NRCAM: variants seen among roughly 807,000 people sequenced by gnomAD.
NRCAM encodes the protein NgCAM-related cell adhesion molecule.
In NRCAM, 83 loss-of-function variants were observed where a neutral mutation model predicts 156.5. The ratio of observed to expected loss-of-function variants is 0.53; its 90% CI spans 0.44 to 0.64. The LOEUF (loss-of-function observed/expected upper bound fraction) is 0.64. NRCAM is among the 30% of genes least tolerant of loss of function. The probability of loss-of-function intolerance (pLI) is 0.00; values close to 1 mark genes in which losing one functional copy is unlikely to be tolerated. For synonymous variants in NRCAM, 538 were observed against 563.9 expected (o/e 0.95, Z 0.65); for missense variants, 1,417 against 1,597.3 (o/e 0.89, Z 1.92).
At chr7:108,419,606 A>T (rs1806490411) in intron 1 of NRCAM, among the ~76,000 whole-genome samples, 1 of 152,208 alleles carries the variant, frequency 6.6e-6, no homozygotes, top group Admixed American at 6.5e-5. Flanking sequence ...CTTAAGCCAT[A>T]CAAAAGTGGG....
chr7:108,215,578 G>C (rs1407340552), intron 11 of NRCAM, among the ~76,000 whole-genome samples: 3 of 152,038 alleles, frequency 2.0e-5, no homozygotes, highest in Non-Finnish European at 4.4e-5. Flanking sequence ...CTTGCTTTAT[G>C]AATCTGGGTG....
At chr7:108,433,573 A>G (rs1322693661) in intron 1 of NRCAM, among the ~76,000 whole-genome samples, 1 of 152,174 alleles carries the variant, frequency 6.6e-6, no homozygotes, top group Non-Finnish European at 1.5e-5. Context: ...GAATTGGCTA[A>G]TGCTCTCCCT....
intron 2 of NRCAM, among the ~76,000 whole-genome samples, chr7:108,387,415 T>TA (rs1330881073): frequency 6.6e-6 from 1 of 152,172 alleles, no homozygotes; most frequent in Non-Finnish European, 1.5e-5. Flanking sequence ...TATGGATTAC[T>TA]TATAGGTAAT....
intron 3 of NRCAM, among the ~76,000 whole-genome samples, chr7:108,277,232 G>A (rs1466184471): frequency 6.6e-6 from 1 of 152,066 alleles, no homozygotes; most frequent in Non-Finnish European, 1.5e-5. Context: ...CTCTTCTCGA[G>A]GTGTATCTTT....
chr7:108,326,681 A>G (rs1419502741), intron 2 of NRCAM, among the ~76,000 whole-genome samples: 1 of 152,200 alleles, frequency 6.6e-6, no homozygotes, highest in African/African-American at 2.4e-5. Flanking sequence ...ATTATTCTCA[A>G]TATTGTGTAA....
intron 2 of NRCAM, among the ~76,000 whole-genome samples, chr7:108,357,477 C>A (rs1462855993): frequency 2.0e-5 from 3 of 151,878 alleles, no homozygotes; most frequent in Middle Eastern, 3.2e-3. Flanking sequence ...ATTACAGGTG[C>A]CTGCCACCAC....
intron 1 of NRCAM, among the ~76,000 whole-genome samples, chr7:108,448,645 T>A (rs1230109771): frequency 6.6e-6 from 1 of 152,212 alleles, no homozygotes; most frequent in Non-Finnish European, 1.5e-5. Context: ...GCTTTTATTA[T>A]TCTAGTGATG....
intron 1 of NRCAM, among the ~76,000 whole-genome samples, chr7:108,439,484 C>A (rs1050479442): frequency 6.6e-6 from 1 of 152,096 alleles, no homozygotes; most frequent in African/African-American, 2.4e-5. Context: ...ATATGCTCCA[C>A]GTTATTAGCC....
intron 20 of NRCAM, among the ~76,000 whole-genome samples, chr7:108,186,977 G>A (rs534914740): frequency 4.3e-4 from 65 of 152,278 alleles, no homozygotes; most frequent in Admixed American, 1.6e-3. Flanking sequence ...TTCATGTGAC[G>A]TTTGACAGAT....
intron 1 of NRCAM, among the ~76,000 whole-genome samples, chr7:108,400,165 GA>G (rs1473841346): frequency 6.6e-6 from 1 of 152,154 alleles, no homozygotes; most frequent in East Asian, 1.9e-4. Context: ...TTATAAGAAA[GA>G]AAAAGCATAA....
At chr7:108,445,038 T>C (rs1036926111) in intron 1 of NRCAM, among the ~76,000 whole-genome samples, 3 of 152,202 alleles carry the variant, frequency 2.0e-5, no homozygotes, top group Non-Finnish European at 4.4e-5. Flanking sequence ...TCTAAGTACA[T>C]GCAGTTTGTA....
intron 1 of NRCAM, among the ~76,000 whole-genome samples, chr7:108,422,850 TGAAA>T (rs1252362682): frequency 6.6e-6 from 1 of 152,190 alleles, no homozygotes; most frequent in Non-Finnish European, 1.5e-5. Flanking sequence ...CGTTCTGTAG[TGAAA>T]GAGTTACCCT....
intron 20 of NRCAM, among the ~76,000 whole-genome samples, chr7:108,187,139 T>G (rs1270753934): frequency 6.6e-6 from 1 of 152,186 alleles, no homozygotes; most frequent in Non-Finnish European, 1.5e-5. Flanking sequence ...CTTCCCCTCT[T>G]GTTCTTCTAT....
intron 8 of NRCAM, among the ~76,000 whole-genome samples, chr7:108,227,806 CCTATAGCAGGTGCTTGAT>C (rs2093717550): frequency 6.6e-6 from 1 of 152,152 alleles, no homozygotes; most frequent in African/African-American, 2.4e-5. Flanking sequence ...GTCTGCTCCT[CCTATAGCAGGTGCTTGAT>C]CTAACATTTC....
In NRCAM at chr7:108,456,278, G is replaced by C. The variant is rs1186402217; in HGVS notation, c.-367C>G. On this transcript the variant is annotated 5_prime_UTR_variant, in exon 1 of 33. Coordinates refer to ENST00000379028, the MANE Select transcript of NRCAM (RefSeq NM_001037132.4). ...CGCGCCCTCCGCTCAGCTCTGGCGC[G>C]ACTGCCCAGGACCCTGGACCGCCGG... 1 of 152,116 alleles carries C rather than the reference G, an allele frequency of 6.6e-6. No individual in the cohort carries two copies. The highest frequency in any genetic ancestry group is 1.5e-5 in the Non-Finnish European group (1 of 68,090). The allele number at this position is 152,116 out of a possible 1,614,324, so 9.4% of individuals were successfully genotyped here. A position where few individuals can be genotyped will look rare whatever the true frequency, so the allele number is the denominator to read the frequency against.
Position 108,274,462 on chromosome 7 carries a change from G to C in NRCAM, c.-106-34292C>G, listed in dbSNP as rs1018069768. ...CTTGAAGAGGTCCTTCACTACTCTT[G>C]TAAGTTGGATTCCTAGGTATTTTAT... On this transcript the variant is annotated intron_variant, in intron 3 of 32. Transcript: ENST00000379028. Among the ~76,000 whole-genome samples the C allele has an allele frequency of 1.9e-4, 29 of 152,110 alleles. 1 individual carries two copies. The highest frequency in any genetic ancestry group is 4.6e-4 in the Admixed American group (7 of 15,270).
chr7:108,199,725 A>G (rs1359707218), intron 13 of NRCAM, among the ~76,000 whole-genome samples: 2 of 152,202 alleles, frequency 1.3e-5, no homozygotes, highest in Non-Finnish European at 2.9e-5. Context: ...CAAATTAGAT[A>G]GTCCAGGATA....
At chr7:108,161,893 AG>A (rs2049272837) in intron 30 of NRCAM, among the ~76,000 whole-genome samples, 1 of 152,172 alleles carries the variant, frequency 6.6e-6, no homozygotes, top group Admixed American at 6.5e-5. Flanking sequence ...GTGCCTTATT[AG>A]AGAAGTTTTG....
intron 3 of NRCAM, among the ~76,000 whole-genome samples, chr7:108,278,203 A>G (rs2097714729): frequency 1.3e-5 from 2 of 152,248 alleles, no homozygotes; most frequent in African/African-American, 4.8e-5. Context: ...TCAGGGACCC[A>G]CTGGAGAAGG....
Sources: allele counts gnomAD v4.1 joint callset (sites outside exome capture counted in the v4.1 genomes callset), GRCh38; gene constraint gnomAD v4.1.1; transcripts MANE v1.5; gene names NCBI Gene and HGNC (gene_info 2026-07-23, HGNC 2026-07-21).